RGS7: variants seen among roughly 807,000 people sequenced by gnomAD.
The protein encoded by RGS7 is regulator of G protein signaling 7.
Under a neutral mutation model 81.1 loss-of-function variants are expected in RGS7, and 27 were observed. The observed-to-expected ratio is 0.33, with a 90% CI of 0.25 to 0.46. The LOEUF (loss-of-function observed/expected upper bound fraction) is 0.46, where lower values mean the gene tolerates loss of function less well. Ranked by LOEUF, RGS7 falls within the 20% of genes least tolerant of loss-of-function variation. The probability of loss-of-function intolerance (pLI) is 1.00; values close to 1 mark genes in which losing one functional copy is unlikely to be tolerated. For synonymous variants in RGS7, 208 were observed against 207.7 expected (o/e 1.00, Z -0.01); for missense variants, 396 against 607.4 (o/e 0.65, Z 3.66).
chr1:240,917,486 G>C (rs1178751722), intron 6 of RGS7, among the ~76,000 whole-genome samples: 1 of 152,132 alleles, frequency 6.6e-6, no homozygotes, highest in African/African-American at 2.4e-5. Context: ...GAAGGAGAAA[G>C]TAGGAATACT....
intron 3 of RGS7, among the ~76,000 whole-genome samples, chr1:240,991,883 T>C (rs552549701): frequency 2.0e-5 from 3 of 152,276 alleles, no homozygotes; most frequent in South Asian, 2.1e-4. Context: ...ACACATATAT[T>C]TTTTTCCAGC....
chr1:241,276,414 A>G (rs1181984778), intron 2 of RGS7, among the ~76,000 whole-genome samples: 2 of 152,246 alleles, frequency 1.3e-5, no homozygotes, highest in Non-Finnish European at 2.9e-5. Context: ...AGGCAGAGAT[A>G]TATCTTCCTA....
chr1:241,231,566 G>T (rs1180439708), intron 2 of RGS7, among the ~76,000 whole-genome samples: 1 of 151,740 alleles, frequency 6.6e-6, no homozygotes, highest in African/African-American at 2.4e-5. Flanking sequence ...GCCATGTTGG[G>T]CAGGCTGGTC....
At chr1:241,017,605 C>T (rs1406623000) in intron 3 of RGS7, among the ~76,000 whole-genome samples, 4 of 151,870 alleles carry the variant, frequency 2.6e-5, no homozygotes, top group Non-Finnish European at 4.4e-5. Flanking sequence ...GCAGATTTTT[C>T]TTTGAATACT....
At chr1:241,045,446 C>T (rs1331478623) in intron 3 of RGS7, among the ~76,000 whole-genome samples, 4 of 152,168 alleles carry the variant, frequency 2.6e-5, no homozygotes, top group Non-Finnish European at 4.4e-5. Context: ...TCACTGCAAC[C>T]TCCGCCTCCC....
chr1:241,086,036 G>A (rs1454971481), intron 3 of RGS7, among the ~76,000 whole-genome samples: 1 of 152,134 alleles, frequency 6.6e-6, no homozygotes, highest in East Asian at 1.9e-4. Context: ...GCTCCCCTCG[G>A]TGTTTCTGTT....
chr1:241,151,565 C>CTTTTTTTTTTTT (rs58097674), intron 2 of RGS7, among the ~76,000 whole-genome samples: 17 of 116,474 alleles, frequency 1.5e-4, no homozygotes, highest in African/African-American at 5.6e-4. Flanking sequence ...ATTAGGAACT[C>CTTTTTTTTTTTT]TTTTTTTTTT....
At chr1:240,823,504 C>G (rs1419004881) in intron 10 of RGS7, 2 of 183,320 alleles carry the variant, frequency 1.1e-5, no homozygotes, top group Non-Finnish European at 2.3e-5. Context: ...GCCATCGACG[C>G]GGTGCCCGGA....
intron 3 of RGS7, among the ~76,000 whole-genome samples, chr1:241,020,482 T>C (rs2059483404): frequency 6.6e-6 from 1 of 152,208 alleles, no homozygotes; most frequent in Non-Finnish European, 1.5e-5. Flanking sequence ...CTCTGTCTTC[T>C]CCTTCTAAGA....
At chr1:241,259,686 A>ATATATATATATATAT (rs1553302307) in intron 2 of RGS7, among the ~76,000 whole-genome samples, 1 of 129,130 alleles carries the variant, frequency 7.7e-6, no homozygotes, top group Non-Finnish European at 1.6e-5. Context: ...ATATATATAT[A>ATATATATATATATAT]ATTAAAATAC....
chr1:241,023,971 T>C (rs665103), intron 3 of RGS7, among the ~76,000 whole-genome samples: 68,529 of 151,996 alleles, frequency 0.45, 15,845 homozygotes, highest in Middle Eastern at 0.56. Context: ...CTCGAACTCC[T>C]GACTCAGGTG....
At chr1:241,290,011 A>G (rs1573524359) in intron 2 of RGS7, among the ~76,000 whole-genome samples, 1 of 152,362 alleles carries the variant, frequency 6.6e-6, no homozygotes, top group East Asian at 1.9e-4. Context: ...AGAGATCATC[A>G]GAATTGAGGC....
At chr1:240,832,806 A>G (rs1377543993) in intron 9 of RGS7, among the ~76,000 whole-genome samples, 1 of 152,206 alleles carries the variant, frequency 6.6e-6, no homozygotes, top group Non-Finnish European at 1.5e-5. Flanking sequence ...TAGAGCTGAT[A>G]GCAAGACATC....
intron 4 of RGS7, among the ~76,000 whole-genome samples, chr1:240,976,846 CATCT>C (rs552738471): frequency 2.7e-3 from 293 of 108,586 alleles, no homozygotes; most frequent in Non-Finnish European, 3.5e-3. Flanking sequence ...ATTTATCTAT[CATCT>C]ATCTATCTAC....
intron 2 of RGS7, among the ~76,000 whole-genome samples, chr1:241,320,412 C>T (rs559127990): frequency 6.6e-6 from 1 of 152,310 alleles, no homozygotes; most frequent in East Asian, 1.9e-4. Context: ...AGTGATTTAA[C>T]AAAGCACAGT....
intron 10 of RGS7, among the ~76,000 whole-genome samples, chr1:240,817,597 C>A (rs1033379257): frequency 6.6e-6 from 1 of 151,940 alleles, no homozygotes; most frequent in Admixed American, 6.6e-5. Flanking sequence ...TCCCGCCCTC[C>A]GTCCTTTTTA....
chr1:240,806,226 T>C lies in RGS7; in HGVS notation c.1183A>G (p.Ser395Gly). The change falls in exon 15 of 19, where the codon AGT (serine) becomes GGT (glycine). Residue 395 changes from serine (S) to glycine (G), a missense_variant. By Grantham distance (56) the Ser-to-Gly change is moderately conservative. Coordinates refer to ENST00000440928, the MANE Select transcript of RGS7 (RefSeq NM_001364886.1). Reference protein sequence around the residue: ...WQEFLAPGAPSAINLDSKSYD... With the variant: ...WQEFLAPGAPGAINLDSKSYD... ...CTCTTGGAATCCAAGTTAATAGCAC[T>C]GGGGGCTCCGGGAGCCAGAAACTCT... The C allele has an allele frequency of 1.2e-6, 2 of 1,614,052 alleles. No individual in the cohort carries two copies. Among genetic ancestry groups the C allele is most frequent in the Non-Finnish European group, 1.7e-6 (2 of 1,179,956 alleles).
intron 2 of RGS7, among the ~76,000 whole-genome samples, chr1:241,145,870 C>T (rs2068276641): frequency 6.6e-6 from 1 of 152,114 alleles, no homozygotes; most frequent in Non-Finnish European, 1.5e-5. Context: ...TCATAGTTTC[C>T]TTGAATATTT....
intron 18 of RGS7, among the ~76,000 whole-genome samples, chr1:240,788,809 T>A (rs967262072): frequency 6.6e-6 from 1 of 152,150 alleles, no homozygotes; most frequent in African/African-American, 2.4e-5. Context: ...CCCTGGTGAT[T>A]TTTGAGGTAT....
Sources: gnomAD v4.1 joint callset for allele counts (sites outside exome capture counted in the v4.1 genomes callset) on GRCh38, gnomAD v4.1.1 for gene constraint, MANE v1.5 for transcripts, NCBI Gene and HGNC (gene_info 2026-07-23, HGNC 2026-07-21) for gene names.